Variants in CDH4 observed in about 807,000 individuals in gnomAD.
CDH4 encodes the protein cadherin 4, also known as cadherin-4.
In CDH4, 33 loss-of-function variants were observed where a neutral mutation model predicts 86.0. The observed-to-expected ratio is 0.38, with a 90% CI of 0.29 to 0.51. The LOEUF (loss-of-function observed/expected upper bound fraction) is 0.51, where lower values mean the gene tolerates loss of function less well. Among genes scored for constraint, CDH4 ranks in the 20% least tolerant of loss-of-function variants. The pLI, the probability that CDH4 is intolerant of heterozygous loss-of-function variation, is 0.86. For missense variants in CDH4, 1,114 were observed against 1,307.4 expected, an observed-to-expected ratio of 0.85 and a Z score of 2.28; for synonymous variants, 555 against 549.4, an observed-to-expected ratio of 1.01 and a Z score of -0.14.
chr20:61,464,713 C>G (rs1018186727), intron 2 of CDH4, among the ~76,000 whole-genome samples: 9 of 152,180 alleles, frequency 5.9e-5, no homozygotes, highest in African/African-American at 2.2e-4. Flanking sequence ...ACATAGGTGT[C>G]TCTGCTGTTC....
intron 2 of CDH4, among the ~76,000 whole-genome samples, chr20:61,413,549 G>A (rs6061839): frequency 0.044 from 6,657 of 152,234 alleles, 429 homozygotes; most frequent in African/African-American, 0.15. Flanking sequence ...CATGCTGTGT[G>A]TCTTGTGCCT....
chr20:61,611,193 C>T (rs1299291245), intron 2 of CDH4, among the ~76,000 whole-genome samples: 3 of 151,892 alleles, frequency 2.0e-5, no homozygotes. Context: ...AGCCCCAGCC[C>T]CAGCCCCAGC....
intron 4 of CDH4, among the ~76,000 whole-genome samples, chr20:61,841,025 A>AT (rs1982139557): frequency 6.6e-6 from 1 of 152,228 alleles, no homozygotes; most frequent in African/African-American, 2.4e-5. Flanking sequence ...TGAAAGAGGG[A>AT]TTGATTCGCC....
chr20:61,400,818 C>A lies in CDH4; in HGVS notation c.169+145881C>A, dbSNP rs565393635. Among the ~76,000 whole-genome samples the A allele has an allele frequency of 2.6e-5, 4 of 152,346 alleles. No homozygotes were observed. The South Asian group carries it at 8.3e-4, about 32-fold the overall frequency. Reference sequence around the variant, plus strand: ...CTGGTACCATCACCTCCTTGTTGTTCTGGCCTTTCTATTTCCACCGGCCCT... The same window carrying A: ...CTGGTACCATCACCTCCTTGTTGTTATGGCCTTTCTATTTCCACCGGCCCT... On this transcript the variant is annotated intron_variant, in intron 2 of 15. Coordinates refer to ENST00000614565, the MANE Select transcript of CDH4 (RefSeq NM_001794.5).
intron 2 of CDH4, among the ~76,000 whole-genome samples, chr20:61,690,704 AC>A (rs917086020): frequency 6.6e-6 from 1 of 151,498 alleles, no homozygotes; most frequent in South Asian, 2.1e-4. Flanking sequence ...CTCAAAGACC[AC>A]CCCCCACCCA....
intron 2 of CDH4, among the ~76,000 whole-genome samples, chr20:61,550,966 A>G (rs2086125128): frequency 6.6e-6 from 1 of 152,254 alleles, no homozygotes; most frequent in African/African-American, 2.4e-5. Context: ...TGAATTCTGC[A>G]GTTGGTCAGT....
chr20:61,892,300 A>AT (rs1274462442), intron 7 of CDH4, among the ~76,000 whole-genome samples: 1 of 152,140 alleles, frequency 6.6e-6, no homozygotes, highest in Non-Finnish European at 1.5e-5. Context: ...CACCACAATC[A>AT]TTGGCAACAT....
rs981070773 is a variant in CDH4 at position 61,493,179 on chromosome 20, G to A, written c.169+238242G>A. 5.3e-5 allele frequency among the ~76,000 whole-genome samples: 8 copies of A among 152,312 alleles called. 1 individual carries two copies. Among genetic ancestry groups the A allele is most frequent in the South Asian group, 4.1e-4 (2 of 4,832 alleles). On this transcript the variant is annotated intron_variant, in intron 2 of 15. Transcript: ENST00000614565. The stretch of plus-strand genomic sequence containing the variant: ...ATCTCTTGACTGTTTTCCAGGAGAC[G>A]CAGAATACAGGCCTGTGTCAGTGCT...
At chr20:61,820,332 G>A (rs1217885826) in intron 4 of CDH4, among the ~76,000 whole-genome samples, 5 of 152,232 alleles carry the variant, frequency 3.3e-5, no homozygotes, top group South Asian at 2.1e-4. Flanking sequence ...CGTGGGGGAC[G>A]TATGCAGCCA....
intron 4 of CDH4, among the ~76,000 whole-genome samples, chr20:61,804,394 A>T (rs6061361): frequency 6.6e-6 from 1 of 151,846 alleles, no homozygotes; most frequent in Non-Finnish European, 1.5e-5. Context: ...CTGTCTGACC[A>T]CCCCTCTCCG....
At chr20:61,311,188 AACACACACCCACACCC>A (rs548776209) in intron 2 of CDH4, among the ~76,000 whole-genome samples, 1 of 152,038 alleles carries the variant, frequency 6.6e-6, no homozygotes, top group African/African-American at 2.4e-5. Context: ...TAGCTCATTA[AACACACACCCACACCC>A]ACACACACCC....
chr20:61,674,184 G>T (rs943430704), intron 2 of CDH4, among the ~76,000 whole-genome samples: 3 of 152,176 alleles, frequency 2.0e-5, no homozygotes, highest in Admixed American at 6.5e-5. Context: ...GCACACGCAA[G>T]GAAGAGCCAA....
intron 4 of CDH4, among the ~76,000 whole-genome samples, chr20:61,840,049 G>GC (rs983564209): frequency 2.0e-5 from 3 of 152,120 alleles, no homozygotes; most frequent in Non-Finnish European, 2.9e-5. Flanking sequence ...CTTGCCCAGT[G>GC]CCCCAAGGGG....
chr20:61,562,110 G>A (rs1362858696), intron 2 of CDH4, among the ~76,000 whole-genome samples: 8 of 78,460 alleles, frequency 1.0e-4, no homozygotes, highest in Non-Finnish European at 1.1e-4. Flanking sequence ...CAGGGCTCCC[G>A]GAGAGAGGGA....
intron 2 of CDH4, among the ~76,000 whole-genome samples, chr20:61,306,108 G>A (rs935010929): frequency 6.6e-6 from 1 of 152,140 alleles, no homozygotes; most frequent in African/African-American, 2.4e-5. Flanking sequence ...AACTTTGAAG[G>A]CTTCTGTCCA....
intron 2 of CDH4, among the ~76,000 whole-genome samples, chr20:61,483,289 C>G (rs1237334357): frequency 6.6e-6 from 1 of 152,076 alleles, no homozygotes; most frequent in Non-Finnish European, 1.5e-5. Flanking sequence ...TAACTCTCCC[C>G]CTTCAACGTT....
intron 2 of CDH4, among the ~76,000 whole-genome samples, chr20:61,484,857 A>C (rs1032509191): frequency 6.6e-6 from 1 of 152,210 alleles, no homozygotes; most frequent in East Asian, 1.9e-4. Flanking sequence ...CCTCAGGCTT[A>C]GCTACAATGA....
At chr20:61,838,062 T>A (rs1981960432) in intron 4 of CDH4, among the ~76,000 whole-genome samples, 1 of 152,024 alleles carries the variant, frequency 6.6e-6, no homozygotes, top group African/African-American at 2.4e-5. Flanking sequence ...GGTGGCCTTT[T>A]CTGCTCCAGG....
chr20:61,748,906 A>T (rs1284984362), intron 3 of CDH4, among the ~76,000 whole-genome samples: 1 of 152,262 alleles, frequency 6.6e-6, no homozygotes, highest in Non-Finnish European at 1.5e-5. Flanking sequence ...ATGAAAACAG[A>T]ATAGATGGGC....
Sources: gnomAD v4.1 joint callset for allele counts (sites outside exome capture counted in the v4.1 genomes callset) on GRCh38, gnomAD v4.1.1 for gene constraint, MANE v1.5 for transcripts, NCBI Gene and HGNC (gene_info 2026-07-23, HGNC 2026-07-21) for gene names.